The following MYH9 variants were observed in gnomAD, a reference collection of about 807,000 sequenced individuals.
MYH9 encodes the protein myosin heavy chain 9.
A neutral mutation model predicts 241.9 loss-of-function variants in MYH9; 29 were observed. The ratio of observed to expected loss-of-function variants is 0.12; its 90% CI spans 0.09 to 0.16. The LOEUF (loss-of-function observed/expected upper bound fraction) is 0.16. MYH9 is among the 10% of genes least tolerant of loss of function. MYH9 has a pLI of 1.00. For missense variants in MYH9, 1,803 were observed against 2,595.5 expected (o/e 0.69, Z 6.63); for synonymous variants, 1,047 against 1,062.6 (o/e 0.99, Z 0.29).
intron 5 of MYH9, among the ~76,000 whole-genome samples, chr22:36,324,162 C>T (rs553413801): frequency 2.2e-4 from 33 of 152,358 alleles, no homozygotes; most frequent in Non-Finnish European, 4.3e-4. Flanking sequence ...TGGGACCACA[C>T]GCTGTTGCCG....
intron 1 of MYH9, among the ~76,000 whole-genome samples, chr22:36,380,465 G>A (rs1288371577): frequency 1.3e-5 from 2 of 152,252 alleles, no homozygotes; most frequent in African/African-American, 4.8e-5. Flanking sequence ...AGGTGGCCGG[G>A]TGCGGTGGCT....
At chr22:36,385,468 T>C (rs1355867175) in intron 1 of MYH9, among the ~76,000 whole-genome samples, 4 of 152,206 alleles carry the variant, frequency 2.6e-5, no homozygotes, top group African/African-American at 9.7e-5. Flanking sequence ...TTGTTTTTTC[T>C]GGAGCAAGAG....
intron 1 of MYH9, among the ~76,000 whole-genome samples, chr22:36,379,708 G>C (rs963608709): frequency 6.6e-6 from 1 of 152,098 alleles, no homozygotes; most frequent in African/African-American, 2.4e-5. Flanking sequence ...CAACCTGCAC[G>C]GCAGGAAGCC....
At chr22:36,369,958 T>C (rs933224) in intron 1 of MYH9, among the ~76,000 whole-genome samples, 93,493 of 152,022 alleles carry the variant, frequency 0.61, 29,533 homozygotes, top group Non-Finnish European at 0.68. Context: ...TTGCAATAAC[T>C]TGAAAGTGAC....
At chr22:36,348,367 G>C (rs899146878) in intron 2 of MYH9, among the ~76,000 whole-genome samples, 1 of 150,982 alleles carries the variant, frequency 6.6e-6, no homozygotes, top group African/African-American at 2.4e-5. Context: ...AAATCAGCCA[G>C]GCATTATGGC....
intron 5 of MYH9, among the ~76,000 whole-genome samples, chr22:36,325,373 C>T (rs546814414): frequency 6.6e-6 from 1 of 152,338 alleles, no homozygotes; most frequent in East Asian, 1.9e-4. Context: ...ACTCACACCC[C>T]TCCTTACTTA....
chr22:36,295,392 G>A lies in MYH9; in HGVS notation c.3485+113C>T. ...AGCTTCCATGCCTGCTGGTGCCTAA[G>A]AGGGCCACGGTGTGTGTGTGTGTGT... On this transcript the variant is annotated intron_variant, in intron 26 of 40. Transcript: ENST00000216181. This position sits in a 1 kb window ranked among gnomAD's most constrained non-coding sequence, Gnocchi z 4.1. 1.1e-6 allele frequency: 1 copy of A among 902,924 alleles called. No individual in the cohort carries two copies. The highest frequency in any genetic ancestry group is 1.7e-6 in the Non-Finnish European group (1 of 573,056). The allele number at this position is 902,924 out of a possible 1,614,324, so 55.9% of individuals were successfully genotyped here.
intron 4 of MYH9, among the ~76,000 whole-genome samples, chr22:36,327,076 G>A (rs2017347440): frequency 6.6e-6 from 1 of 152,222 alleles, no homozygotes; most frequent in Non-Finnish European, 1.5e-5. Flanking sequence ...TTCAGAGGCT[G>A]AGAGGCCCCA....
At position 36,314,311 on chromosome 22, in the gene MYH9, G is replaced by A. The variant is rs781250396; in HGVS notation, c.1388C>T (p.Ser463Leu). 6.2e-6 allele frequency: 10 copies of A among 1,614,150 alleles called. No individual in the cohort carries two copies. Among genetic ancestry groups the A allele is most frequent in the African/African-American group, 1.3e-5 (1 of 75,052 alleles). The change falls in exon 13 of 41, where the codon TCG (serine) becomes TTG (leucine). Residue 463 changes from serine to leucine, a missense_variant. Transcript: ENST00000216181. ...GTAATTGATGCACAGCTGCTCAAAC[G>A]AGTTCAGCTGCAAGGAGAGAAAACA... ...IAGFEIFDLN[S>L]FEQLCINYTN...
intron 11 of MYH9, 110 bp from the exon 12 acceptor site, chr22:36,316,779 C>T (rs2017159845): frequency 2.3e-6 from 3 of 1,290,358 alleles, no homozygotes; most frequent in Non-Finnish European, 3.3e-6. Flanking sequence ...GAGGAACAGC[C>T]CTAAGTATGT....
In MYH9 at chr22:36,319,054, G is replaced by T. The variant is rs369599646; in HGVS notation, c.1108+486C>A. On this transcript the variant is annotated intron_variant, in intron 10 of 40. Coordinates refer to ENST00000216181, the MANE Select transcript of MYH9 (RefSeq NM_002473.6). ...TGGGATTACAGATGTGAGCCACCAC[G>T]CCCGGTCAGGAGTGTCTTTTACAAT... 3.3e-5 allele frequency among the ~76,000 whole-genome samples: 5 copies of T among 152,270 alleles called. No individual in the cohort carries two copies. In the South Asian group the frequency reaches 8.3e-4, roughly 25 times the overall value.
intron 1 of MYH9, among the ~76,000 whole-genome samples, chr22:36,355,016 G>C (rs542731575): frequency 8.3e-6 from 1 of 119,928 alleles, no homozygotes. Context: ...AAAGATCTCC[G>C]TGGCTCAGAA....
intron 34 of MYH9, among the ~76,000 whole-genome samples, chr22:36,287,934 G>A (rs546282806): frequency 1.1e-4 from 17 of 152,332 alleles, no homozygotes; most frequent in African/African-American, 4.1e-4. Context: ...AGGGTGTCAG[G>A]ACCCGGGTGA....
At chr22:36,352,562 T>C (rs1442691828) in intron 1 of MYH9, among the ~76,000 whole-genome samples, 1 of 152,058 alleles carries the variant, frequency 6.6e-6, no homozygotes, top group Non-Finnish European at 1.5e-5. Flanking sequence ...GTCACAAACA[T>C]CACACCAGCT....
chr22:36,376,727 C>A (rs1184380638), intron 1 of MYH9, among the ~76,000 whole-genome samples: 2 of 152,352 alleles, frequency 1.3e-5, no homozygotes, highest in South Asian at 2.1e-4. Context: ...AACCGGCATT[C>A]AAAAGCTTTT....
At chr22:36,286,497 T>C (rs2016583123) in intron 35 of MYH9, among the ~76,000 whole-genome samples, 1 of 152,206 alleles carries the variant, frequency 6.6e-6, no homozygotes, top group South Asian at 2.1e-4. Context: ...CCTCATCTCA[T>C]GTGAGGGATG....
In MYH9 at chr22:36,285,435, TC is replaced by T; in HGVS notation, c.5275-107del. 1 of 1,382,580 alleles carries T rather than the reference TC, an allele frequency of 7.2e-7. No homozygotes were observed. The highest frequency in any genetic ancestry group is 1.0e-6 in the Non-Finnish European group (1 of 985,922). The allele number at this position is 1,382,580 out of a possible 1,614,324, so 85.6% of individuals were successfully genotyped here. A position where few individuals can be genotyped will look rare whatever the true frequency, so the allele number is the denominator to read the frequency against. On this transcript the variant is annotated intron_variant, in intron 37 of 40. Coordinates refer to ENST00000216181, the MANE Select transcript of MYH9 (RefSeq NM_002473.6). This position sits in a 1 kb window ranked among gnomAD's most constrained non-coding sequence, Gnocchi z 7.0. Reference sequence around the variant, plus strand: ...GCAGGATCCCACCAAACCCTTGGGGTCCAGAGTCTTGGGTCTCCCAGAAAAG... The same window carrying T: ...GCAGGATCCCACCAAACCCTTGGGGTCAGAGTCTTGGGTCTCCCAGAAAAG...
In MYH9 at chr22:36,306,286, C is replaced by A; in HGVS notation, c.2037+128G>T. ...CCTAAGCGAGCCAAGGCCCACCCTG[C>A]AGAGAAACGACTGAAGGCTCTGTGC... is the stretch of plus-strand genomic sequence containing the variant. On this transcript the variant is annotated intron_variant, in intron 16 of 40. Transcript: ENST00000216181. The surrounding 1 kb of genome is among the most constrained non-coding windows in gnomAD (Gnocchi z 4.1). 1 of 1,353,638 alleles carries A rather than the reference C, an allele frequency of 7.4e-7. No individual in the cohort carries two copies. Among genetic ancestry groups the A allele is most frequent in the Non-Finnish European group, 1.0e-6 (1 of 974,594 alleles). 83.9% of individuals were successfully genotyped at this position (1,353,638 alleles called of 1,614,324 possible). A position where few individuals can be genotyped will look rare whatever the true frequency, so the allele number is the denominator to read the frequency against.
chr22:36,318,363 CCTAATTAGACCCAAGAGAGAAAGTT>C (rs1376710072), intron 10 of MYH9, 38 bp from the exon 11 acceptor site: 3 of 1,468,450 alleles, frequency 2.0e-6, no homozygotes, highest in Admixed American at 1.7e-5. Flanking sequence ...GACAAAAAGT[CCTAATTAGACCCAAGAGAGAAAGTT>C]CTAATTAGAC....
Sources: allele counts gnomAD v4.1 joint callset (sites outside exome capture counted in the v4.1 genomes callset), GRCh38; gene constraint gnomAD v4.1.1; non-coding constraint Gnocchi (gnomAD v3.1); transcripts MANE v1.5; gene names NCBI Gene and HGNC (gene_info 2026-07-23, HGNC 2026-07-21).